SOX6: variants seen among roughly 807,000 people sequenced by gnomAD.
SOX6 encodes the protein transcription factor SOX-6.
Under a neutral mutation model 97.8 loss-of-function variants are expected in SOX6, and 11 were observed. The observed-to-expected ratio is 0.11, with a 90% confidence interval of 0.07 to 0.19. The LOEUF (loss-of-function observed/expected upper bound fraction) is 0.19. SOX6 is among the 10% of genes least tolerant of loss of function. The probability of loss-of-function intolerance (pLI) is 1.00; values close to 1 mark genes in which losing one functional copy is unlikely to be tolerated. For missense variants in SOX6, 810 were observed against 1,039.5 expected (o/e 0.78, Z 3.04); for synonymous variants, 360 against 371.4 (o/e 0.97, Z 0.35).
intron 3 of SOX6, among the ~76,000 whole-genome samples, chr11:16,678,338 T>A (rs1043845899): frequency 1.9e-4 from 29 of 152,350 alleles, no homozygotes; most frequent in African/African-American, 6.7e-4. Flanking sequence ...AGTTTTAACA[T>A]GTTATGTTTT....
intron 3 of SOX6, among the ~76,000 whole-genome samples, chr11:16,250,159 G>T (rs994201397): frequency 6.6e-6 from 1 of 152,144 alleles, no homozygotes; most frequent in African/African-American, 2.4e-5. Flanking sequence ...AGTGGCGTTT[G>T]ATTCTCATAG....
intron 1 of SOX6, among the ~76,000 whole-genome samples, chr11:16,458,618 T>G (rs1859858195): frequency 1.3e-5 from 2 of 152,184 alleles, no homozygotes; most frequent in East Asian, 3.9e-4. Flanking sequence ...GCACTCTTAA[T>G]TAAAATGCAT....
At chr11:16,168,406 T>G (rs943059990) in intron 6 of SOX6, among the ~76,000 whole-genome samples, 1 of 152,196 alleles carries the variant, frequency 6.6e-6, no homozygotes, top group Non-Finnish European at 1.5e-5. Context: ...AATTAATTCA[T>G]GTCATAAATA....
At chr11:16,497,463 C>T (rs1479704413) in intron 4 of SOX6, among the ~76,000 whole-genome samples, 1 of 152,032 alleles carries the variant, frequency 6.6e-6, no homozygotes, top group Non-Finnish European at 1.5e-5. Context: ...CAAAGCTGGA[C>T]AGAGAATGAC....
At chr11:16,600,325 A>G (rs559436445) in intron 4 of SOX6, among the ~76,000 whole-genome samples, 3 of 152,352 alleles carry the variant, frequency 2.0e-5, no homozygotes, top group African/African-American at 7.2e-5. Flanking sequence ...ACCTGACCTC[A>G]GTGCTTAGAA....
intron 4 of SOX6, among the ~76,000 whole-genome samples, chr11:16,494,331 C>T (rs1590222573): frequency 6.6e-6 from 1 of 152,034 alleles, no homozygotes; most frequent in African/African-American, 2.4e-5. Flanking sequence ...AGCTGAGATC[C>T]CGCCATTGCA....
At chr11:16,047,892 C>A (rs1230752916) in intron 11 of SOX6, among the ~76,000 whole-genome samples, 1 of 151,900 alleles carries the variant, frequency 6.6e-6, no homozygotes, top group Non-Finnish European at 1.5e-5. Context: ...AAGTTAGTCA[C>A]TTTTTGGTCC....
intron 4 of SOX6, among the ~76,000 whole-genome samples, chr11:16,227,973 G>C (rs12222546): frequency 6.6e-6 from 1 of 152,208 alleles, no homozygotes; most frequent in East Asian, 1.9e-4. Flanking sequence ...CAAGGCAGGC[G>C]GATCAGCTGA....
intron 4 of SOX6, among the ~76,000 whole-genome samples, chr11:16,528,658 T>C (rs1861200119): frequency 6.6e-6 from 1 of 152,000 alleles, no homozygotes; most frequent in Non-Finnish European, 1.5e-5. Flanking sequence ...GGAACGTCTA[T>C]GAAAATAGAC....
At chr11:16,499,980 T>A (rs1249953587) in intron 4 of SOX6, among the ~76,000 whole-genome samples, 1 of 152,178 alleles carries the variant, frequency 6.6e-6, no homozygotes. Flanking sequence ...ATCATCCTGA[T>A]ACCAAAGCCT....
chr11:16,605,338 G>A lies in SOX6; in HGVS notation n.609+6743C>T, dbSNP rs1178561704. On this transcript the variant is annotated intron_variant and non_coding_transcript_variant, in intron 4 of 5. Transcript: ENST00000524520. The surrounding 1 kb of genome is among the most constrained non-coding windows in gnomAD (Gnocchi z 5.3). ...TGAACTACCCCTCGCCCCCGCTCCC[G>A]CCAGGTCAGGCACCACTGCCCTCGC... Among the ~76,000 whole-genome samples, 2 of 152,144 alleles carry A rather than the reference G, an allele frequency of 1.3e-5. No individual in the cohort carries two copies. The highest frequency in any genetic ancestry group is 2.9e-5 in the Non-Finnish European group (2 of 68,000).
At chr11:16,706,517 T>C (rs1489743925) in intron 3 of SOX6, among the ~76,000 whole-genome samples, 1 of 88,472 alleles carries the variant, frequency 1.1e-5, no homozygotes, top group Non-Finnish European at 2.0e-5. Flanking sequence ...TATATATATA[T>C]ATATATAGTG....
rs137892315 is a variant in SOX6 at position 16,287,889 on chromosome 11, G to A, written c.445+30557C>T. On this transcript the variant is annotated intron_variant, in intron 3 of 15. Coordinates refer to ENST00000683767, the MANE Select transcript of SOX6 (RefSeq NM_001367873.1). ...AGTTTCCCATTGACTCCAAAATAGTGAGCAGGGAAGAAGAAAGATGGGTTG... is the reference window on the plus strand; with the variant it reads ...AGTTTCCCATTGACTCCAAAATAGTAAGCAGGGAAGAAGAAAGATGGGTTG... Among the ~76,000 whole-genome samples the A allele has an allele frequency of 3.0e-3, 462 of 152,188 alleles. 1 individual carries two copies. Among genetic ancestry groups the A allele is most frequent in the African/African-American group, 0.011 (447 of 41,554 alleles).
chr11:16,364,411 C>CACTT (rs1390940571), intron 1 of SOX6, among the ~76,000 whole-genome samples: 1 of 152,088 alleles, frequency 6.6e-6, no homozygotes, highest in Non-Finnish European at 1.5e-5. Flanking sequence ...TCCTGAGCTG[C>CACTT]ACTTACAAAC....
At chr11:16,428,778 CT>C (rs1272429181) in intron 1 of SOX6, among the ~76,000 whole-genome samples, 1 of 152,138 alleles carries the variant, frequency 6.6e-6, no homozygotes, top group Non-Finnish European at 1.5e-5. Flanking sequence ...CAGCTTTGTT[CT>C]TTTGGCTTAG....
chr11:16,045,583 TGCCCA>T lies in SOX6; in HGVS notation c.1623+926_1623+930del, dbSNP rs1015409380. Among the ~76,000 whole-genome samples, 5 of 152,168 alleles carry T rather than the reference TGCCCA, an allele frequency of 3.3e-5. No individual in the cohort carries two copies. The South Asian group carries it at 8.3e-4, about 25-fold the overall frequency. ...GGGTGTACCAGGTAATAATAAGCTC[TGCCCA>T]GCCTATCACTTTTACTTTATGATCC... On this transcript the variant is annotated intron_variant, in intron 12 of 15. Transcript: ENST00000683767.
At chr11:16,099,643 T>C (rs1307431634) in intron 7 of SOX6, among the ~76,000 whole-genome samples, 2 of 151,602 alleles carry the variant, frequency 1.3e-5, no homozygotes, top group Non-Finnish European at 1.5e-5. Flanking sequence ...AAAATCAAAC[T>C]CTAAAAGAAT....
intron 3 of SOX6, among the ~76,000 whole-genome samples, chr11:16,288,643 A>AAT (rs905132695): frequency 1.2e-4 from 19 of 152,094 alleles, no homozygotes; most frequent in African/African-American, 4.3e-4. Flanking sequence ...ACATGCTATT[A>AAT]ATATATATAA....
At chr11:16,242,836 T>A (rs1043503776) in intron 3 of SOX6, among the ~76,000 whole-genome samples, 1 of 152,002 alleles carries the variant, frequency 6.6e-6, no homozygotes, top group Non-Finnish European at 1.5e-5. Context: ...AAAGATCAAT[T>A]TAAAACAAGG....
Sources: allele counts gnomAD v4.1 joint callset (sites outside exome capture counted in the v4.1 genomes callset), GRCh38; gene constraint gnomAD v4.1.1; non-coding constraint Gnocchi (gnomAD v3.1); transcripts MANE v1.5; gene names NCBI Gene and HGNC (gene_info 2026-07-23, HGNC 2026-07-21).